The following TLCD4 variants were observed in gnomAD, a reference collection of about 807,000 sequenced individuals.
TLCD4 encodes TLC domain-containing protein 4.
TLCD4 carries 7 observed loss-of-function variants against 24.2 expected under a neutral mutation model. The observed-to-expected ratio is 0.29, with a 90% CI of 0.16 to 0.54. The LOEUF is 0.54. Ranked by LOEUF, TLCD4 falls within the 20% of genes least tolerant of loss-of-function variation. The probability of loss-of-function intolerance (pLI) is 0.95; values close to 1 mark genes in which losing one functional copy is unlikely to be tolerated. For synonymous variants in TLCD4, 103 were observed against 106.4 expected (o/e 0.97, Z 0.20); for missense variants, 259 against 313.9 (o/e 0.82, Z 1.32).
chr1:95,165,504 C>A (rs564986700), intron 5 of TLCD4, among the ~76,000 whole-genome samples: 1 of 148,068 alleles, frequency 6.8e-6, no homozygotes, highest in Non-Finnish European at 1.5e-5. Flanking sequence ...TCGCTCTTGT[C>A]CCCCAGGGTG....
At chr1:95,130,607 T>G (rs2100914981) in intron 1 of TLCD4, among the ~76,000 whole-genome samples, 1 of 152,342 alleles carries the variant, frequency 6.6e-6, no homozygotes, top group South Asian at 2.1e-4. Flanking sequence ...CCAGGGTTTT[T>G]TATTTGTTTC....
At chr1:95,115,880 G>A (rs1442034408), upstream of TLCD4, among the ~76,000 whole-genome samples, 5 of 152,148 alleles carry the variant, frequency 3.3e-5, no homozygotes, top group Non-Finnish European at 5.9e-5. Flanking sequence ...GGTATTTTCT[G>A]GGCTGACTTC....
intron 1 of TLCD4, among the ~76,000 whole-genome samples, chr1:95,131,655 A>G (rs917348197): frequency 6.6e-6 from 1 of 152,238 alleles, no homozygotes; most frequent in Non-Finnish European, 1.5e-5. Flanking sequence ...TCTTTTTGAT[A>G]GTTATTTAAG....
At chr1:95,115,006 T>C (rs192433405), upstream of TLCD4, among the ~76,000 whole-genome samples, 116 of 151,102 alleles carry the variant, frequency 7.7e-4, no homozygotes, top group Non-Finnish European at 1.3e-3. Flanking sequence ...TACAGAATTC[T>C]GAGAAAGTAT....
the TLCD4 span, among the ~76,000 whole-genome samples, chr1:95,093,705 C>A: frequency 6.6e-6 from 1 of 152,206 alleles, no homozygotes; most frequent in African/African-American, 2.4e-5. Flanking sequence ...TGCATATTGA[C>A]AATTCCGAAA....
At chr1:95,100,166 A>T in the TLCD4 span, among the ~76,000 whole-genome samples, 2 of 152,164 alleles carry the variant, frequency 1.3e-5, no homozygotes, top group African/African-American at 4.8e-5. Flanking sequence ...AACGTAAAAA[A>T]ATCTTATTGT....
intron 6 of TLCD4, among the ~76,000 whole-genome samples, chr1:95,185,120 C>T (rs938378413): frequency 1.3e-5 from 2 of 151,144 alleles, no homozygotes; most frequent in African/African-American, 2.4e-5. Context: ...GCAGTCATAT[C>T]GTCTTGGGTT....
At chr1:95,152,932 G>T (rs1677533264) in intron 5 of TLCD4, among the ~76,000 whole-genome samples, 1 of 152,062 alleles carries the variant, frequency 6.6e-6, no homozygotes, top group Admixed American at 6.6e-5. Flanking sequence ...TTTTGTGTAT[G>T]TGTTCCTTGT....
chr1:95,136,477 A>G (rs1677043918), intron 1 of TLCD4, among the ~76,000 whole-genome samples: 1 of 152,140 alleles, frequency 6.6e-6, no homozygotes, highest in South Asian at 2.1e-4. Context: ...TGTCTTTCCC[A>G]CCTCTGTGTT....
At chr1:95,178,563 C>CT (rs57190787) in intron 6 of TLCD4, among the ~76,000 whole-genome samples, 1,410 of 82,186 alleles carry the variant, frequency 0.017, 89 homozygotes, top group African/African-American at 0.053. Flanking sequence ...ATGCCCAGCC[C>CT]TTTTTTTTTT....
rs141932456 is a variant in TLCD4 at position 95,179,445 on chromosome 1, A to G, written c.473+5556A>G. On this transcript the variant is annotated intron_variant, in intron 6 of 6. Coordinates refer to ENST00000370203, the MANE Select transcript of TLCD4 (RefSeq NM_152487.3). ...CTGCCATGATTGCTTTAACTCTACCATGGCAGAATTGCATAGTTCTGACAG... is the reference window on the plus strand; with the variant it reads ...CTGCCATGATTGCTTTAACTCTACCGTGGCAGAATTGCATAGTTCTGACAG... Among the ~76,000 whole-genome samples the G allele has an allele frequency of 1.6e-4, 24 of 152,298 alleles. No homozygotes were observed. The East Asian group carries it at 4.3e-3, about 27-fold the overall frequency.
At chr1:95,116,016 G>C (rs1284224434), upstream of TLCD4, among the ~76,000 whole-genome samples, 1 of 152,168 alleles carries the variant, frequency 6.6e-6, no homozygotes, top group Non-Finnish European at 1.5e-5. Flanking sequence ...GACTATGATG[G>C]GACACCGTGT....
At chr1:95,171,558 A>G (rs1220396167) in intron 5 of TLCD4, among the ~76,000 whole-genome samples, 3 of 152,224 alleles carry the variant, frequency 2.0e-5, no homozygotes, top group Non-Finnish European at 4.4e-5. Flanking sequence ...ATTTTCTGAG[A>G]GTTCAGATAA....
Position 95,191,688 on chromosome 1 carries a change from A to G in TLCD4, c.612A>G (p.Gly204=). The change falls in exon 7 of 7, where the codon GGA becomes GGG. Residue 204 remains glycine (G), a synonymous_variant. Transcript: ENST00000370203. ...ATGGCTTCATGTATTCCGTGTATGG[A>G]ACAGAACCCTACATAAGGCTTGGAG... The part of the protein sequence containing the change: ...PHYGFMYSVY[G]TEPYIRLGVL... 6.2e-7 allele frequency: 1 copy of G among 1,614,108 alleles called. No individual in the cohort carries two copies. Among genetic ancestry groups the G allele is most frequent in the Non-Finnish European group, 8.5e-7 (1 of 1,180,012 alleles).
intron 1 of TLCD4, among the ~76,000 whole-genome samples, chr1:95,119,941 C>T (rs1437411220): frequency 6.6e-6 from 1 of 152,094 alleles, no homozygotes; most frequent in Non-Finnish European, 1.5e-5. Context: ...ATATGAAAAG[C>T]TAGCTTTTCT....
At chr1:95,163,403 T>G (rs1038554596) in intron 5 of TLCD4, 11 of 145,892 alleles carry the variant, frequency 7.5e-5, no homozygotes, top group African/African-American at 2.7e-4. Context: ...ATTCGTCTAC[T>G]CTTTTTTGCA....
At chr1:95,126,107 C>T (rs1676726233) in intron 1 of TLCD4, among the ~76,000 whole-genome samples, 1 of 145,322 alleles carries the variant, frequency 6.9e-6, no homozygotes, top group Non-Finnish European at 1.5e-5. Flanking sequence ...GCCTGGACAA[C>T]ATAGCGAGAC....
intron 5 of TLCD4, among the ~76,000 whole-genome samples, chr1:95,162,643 T>A (rs372293734): frequency 6.6e-6 from 1 of 152,026 alleles, no homozygotes; most frequent in African/African-American, 2.4e-5. Context: ...TTAGTACTGG[T>A]TGTTCCTTTC....
chr1:95,115,512 T>C (rs1676413078), upstream of TLCD4, among the ~76,000 whole-genome samples: 1 of 152,210 alleles, frequency 6.6e-6, no homozygotes, highest in South Asian at 2.1e-4. Context: ...TTTAATTAGC[T>C]TAAAACTTGC....
Sources: allele counts gnomAD v4.1 joint callset (sites outside exome capture counted in the v4.1 genomes callset), GRCh38; gene constraint gnomAD v4.1.1; transcripts MANE v1.5; gene names NCBI Gene and HGNC (gene_info 2026-07-23, HGNC 2026-07-21).